MYO1B: variants seen among roughly 807,000 people sequenced by gnomAD.
MYO1B encodes the protein myosin IB.
Under a neutral mutation model 159.7 loss-of-function variants are expected in MYO1B, and 72 were observed. The ratio of observed to expected loss-of-function variants is 0.45; its 90% CI spans 0.37 to 0.55. The LOEUF (loss-of-function observed/expected upper bound fraction) is 0.55, where lower values mean the gene tolerates loss of function less well. Among genes scored for constraint, MYO1B ranks in the 20% least tolerant of loss-of-function variants. MYO1B has a pLI of 0.00. For synonymous variants in MYO1B, 468 were observed against 473.8 expected, an observed-to-expected ratio of 0.99 and a Z score of 0.16; for missense variants, 1,062 against 1,364.8, an observed-to-expected ratio of 0.78 and a Z score of 3.50.
At chr2:191,369,736 CA>C in intron 12 of MYO1B, 108 bp downstream of exon 12, 2 of 799,894 alleles carry the variant, frequency 2.5e-6, no homozygotes, top group Non-Finnish European at 4.1e-6. Context: ...TTGCCACTTA[CA>C]AAGATTATTC....
Position 191,309,286 on chromosome 2 carries a change from T to A in MYO1B, c.251+13060T>A, listed in dbSNP as rs556882683. Among the ~76,000 whole-genome samples the A allele has an allele frequency of 2.6e-5, 4 of 152,222 alleles. No homozygotes were observed. In the East Asian group the frequency reaches 7.7e-4, roughly 29 times the overall value. ...TTTTTCCTTTTCTCCTATTGCACACTCAGTCCATCATCAGCCTGATCATCC... is the reference window on the plus strand; with the variant it reads ...TTTTTCCTTTTCTCCTATTGCACACACAGTCCATCATCAGCCTGATCATCC... On this transcript the variant is annotated intron_variant, in intron 3 of 30. Transcript: ENST00000392318.
chr2:191,280,810 GGTAGGGAGTTCTGTAATGAA>G lies in MYO1B; in HGVS notation c.135+3783_135+3802del, dbSNP rs1230710380. ...CTCACTGTGAACTCCTCACCGGTTT[GGTAGGGAGTTCTGTAATGAA>G]GTGGCTTTTTTGATGTTGATGTCAT... is the stretch of plus-strand genomic sequence containing the variant. On this transcript the variant is annotated intron_variant, in intron 2 of 30. Coordinates refer to ENST00000392318, the MANE Select transcript of MYO1B (RefSeq NM_001130158.3). 4.6e-5 allele frequency among the ~76,000 whole-genome samples: 7 copies of G among 152,318 alleles called. No homozygotes were observed. The East Asian group carries it at 1.3e-3, about 29-fold the overall frequency.
chr2:191,266,408 C>G lies in MYO1B; in HGVS notation c.-9-10479C>G, dbSNP rs1286907267. ...AATTCCTTTGGATTCCAGCCTGGGT[C>G]TGTGGCTCCACAGCCTGTGCCGTAC... On this transcript the variant is annotated intron_variant, in intron 1 of 30. Transcript: ENST00000392318. Among the ~76,000 whole-genome samples, 3 of 152,180 alleles carry G rather than the reference C, an allele frequency of 2.0e-5. No homozygotes were observed. The South Asian group carries it at 6.2e-4, about 32-fold the overall frequency.
Position 191,350,729 on chromosome 2 carries a change from G to A in MYO1B, c.562+504G>A, listed in dbSNP as rs139132560. On this transcript the variant is annotated intron_variant, in intron 7 of 30. Transcript: ENST00000392318. ...TAAGTGATTGGAATGTGATACACTT[G>A]TTAGGTAAAACAGATTTTTTAACCT... Among the ~76,000 whole-genome samples the A allele has an allele frequency of 1.9e-3, 295 of 151,726 alleles. 1 individual carries two copies. Among genetic ancestry groups the A allele is most frequent in the African/African-American group, 6.9e-3 (284 of 41,396 alleles).
At chr2:191,371,175 C>T (rs1207874370) in intron 13 of MYO1B, 1 of 152,080 alleles carries the variant, frequency 6.6e-6, no homozygotes, top group Non-Finnish European at 1.5e-5. Context: ...AGATCGGGCT[C>T]CTCCTTTCTT....
chr2:191,261,400 C>T (rs1686802611), intron 1 of MYO1B, among the ~76,000 whole-genome samples: 1 of 152,192 alleles, frequency 6.6e-6, no homozygotes. Flanking sequence ...AAAGTATCCT[C>T]ACTGATATTA....
chr2:191,362,223 G>C (rs375022302), intron 8 of MYO1B, 45 bp from the exon 9 acceptor site: 3 of 1,426,244 alleles, frequency 2.1e-6, no homozygotes, highest in South Asian at 2.3e-5. Context: ...ATTAAAGATT[G>C]GATTTATTGA....
chr2:191,293,419 G>T (rs1688798585), intron 2 of MYO1B, among the ~76,000 whole-genome samples: 1 of 152,182 alleles, frequency 6.6e-6, no homozygotes, highest in Non-Finnish European at 1.5e-5. Context: ...ACGCAAGAAA[G>T]AATTTGGGGT....
At chr2:191,378,881 G>A (rs1413090804) in intron 13 of MYO1B, among the ~76,000 whole-genome samples, 1 of 152,136 alleles carries the variant, frequency 6.6e-6, no homozygotes, top group East Asian at 1.9e-4. Context: ...AGGAGCATTT[G>A]TCATATAGAA....
At chr2:191,297,550 A>G (rs1689059859) in intron 3 of MYO1B, among the ~76,000 whole-genome samples, 1 of 152,188 alleles carries the variant, frequency 6.6e-6, no homozygotes. Context: ...CTCAAAACAG[A>G]TGATATGCTG....
intron 3 of MYO1B, among the ~76,000 whole-genome samples, chr2:191,307,417 C>G (rs934790344): frequency 2.6e-5 from 4 of 152,178 alleles, no homozygotes; most frequent in African/African-American, 4.8e-5. Context: ...TAGCCAGCTT[C>G]TTTACCGCAA....
At chr2:191,301,675 T>A (rs1433176300) in intron 3 of MYO1B, among the ~76,000 whole-genome samples, 2 of 152,244 alleles carry the variant, frequency 1.3e-5, no homozygotes, top group Non-Finnish European at 2.9e-5. Flanking sequence ...CTGAAAAAAT[T>A]TGAAATCTAA....
chr2:191,389,506 A>G (rs1469117507), intron 17 of MYO1B, among the ~76,000 whole-genome samples: 1 of 152,204 alleles, frequency 6.6e-6, no homozygotes, highest in Non-Finnish European at 1.5e-5. Context: ...CCACCGTGTC[A>G]ACATTTGCAG....
chr2:191,416,114 G>A lies in MYO1B; in HGVS notation c.3160-1G>A, dbSNP rs1181576829. 6.2e-7 allele frequency: 1 copy of A among 1,613,442 alleles called. No individual in the cohort carries two copies. The highest frequency in any genetic ancestry group is 1.7e-5 in the Admixed American group (1 of 59,866). ...GACCGACTCTTGGTTTGTCCTTGCA[G>A]GGCTCAGAAGCAGCTAGTAAAGGAG... On this transcript the variant is annotated splice_acceptor_variant, in intron 29 of 30. Transcript: ENST00000392318. LOFTEE classifies it high-confidence loss of function.
At position 191,369,596 on chromosome 2, in the gene MYO1B, T is replaced by C. The variant is rs377743334; in HGVS notation, c.1087T>C (p.Trp363Arg). ...AAACCTCTACAGCAGGTTGTTTTCA[T>C]GGTTGGTAAATCGAATCAATGAAAG... ...AKNLYSRLFS[W>R]LVNRINESIK... The change falls in exon 12 of 31, where the codon TGG becomes CGG. Residue 363 changes from tryptophan (W) to arginine (R), a missense_variant. By Grantham distance (101) the Trp-to-Arg change is moderately radical. Transcript: ENST00000392318. 5.6e-6 allele frequency: 9 copies of C among 1,613,604 alleles called. No individual in the cohort carries two copies. Among genetic ancestry groups the C allele is most frequent in the Middle Eastern group, 1.7e-4 (1 of 6,054 alleles).
At chr2:191,287,866 CTTTT>C (rs11324783) in intron 2 of MYO1B, among the ~76,000 whole-genome samples, 1 of 142,406 alleles carries the variant, frequency 7.0e-6, no homozygotes, top group African/African-American at 2.6e-5. Flanking sequence ...TGATCTCAGT[CTTTT>C]TTTTTTTTTT....
chr2:191,344,728 G>A (rs988758337), intron 5 of MYO1B, among the ~76,000 whole-genome samples: 3 of 150,354 alleles, frequency 2.0e-5, no homozygotes, highest in African/African-American at 4.9e-5. Context: ...TACTTGGGAG[G>A]CTGAGGCAGG....
intron 15 of MYO1B, among the ~76,000 whole-genome samples, chr2:191,384,952 C>T (rs1292769785): frequency 5.3e-5 from 8 of 152,140 alleles, no homozygotes; most frequent in African/African-American, 1.9e-4. Context: ...GTCCACGCTT[C>T]CCCAGGGTTT....
At chr2:191,323,335 G>A (rs1349123389) in intron 3 of MYO1B, among the ~76,000 whole-genome samples, 1 of 152,102 alleles carries the variant, frequency 6.6e-6, no homozygotes, top group Non-Finnish European at 1.5e-5. Flanking sequence ...TGGGAATGCA[G>A]CCCAATAGGT....
Sources: gnomAD v4.1 joint callset for allele counts (sites outside exome capture counted in the v4.1 genomes callset) on GRCh38, gnomAD v4.1.1 for gene constraint, MANE v1.5 for transcripts, NCBI Gene and HGNC (gene_info 2026-07-23, HGNC 2026-07-21) for gene names.